MAST3: variants seen among roughly 807,000 people sequenced by gnomAD.
The protein encoded by MAST3 is microtubule associated serine/threonine kinase 3.
In MAST3, 43 loss-of-function variants were observed where a neutral mutation model predicts 127.0. The observed-to-expected ratio is 0.34, with a 90% confidence interval of 0.27 to 0.44. The LOEUF (loss-of-function observed/expected upper bound fraction) is 0.44, where lower values mean the gene tolerates loss of function less well. Among genes scored for constraint, MAST3 ranks in the 20% least tolerant of loss-of-function variants. The pLI is 1.00. For synonymous variants in MAST3, 785 were observed against 809.2 expected (o/e 0.97, Z 0.51); for missense variants, 1,390 against 1,919.1 (o/e 0.72, Z 5.15).
rs147458227 is a variant in MAST3, at chr19:18,135,612, C to T, written c.1871-128C>T. On this transcript the variant is annotated intron_variant, in intron 17 of 27. Transcript: ENST00000687212. ...CTGTCAGTGGGTACCAAGCCTGCCA[C>T]GTTGCAGGGGCAGAGGAGGCCAGTG... The T allele has an allele frequency of 7.7e-4, 530 of 687,494 alleles. 7 individuals are homozygous for T. The East Asian group carries it at 0.015, about 19-fold the overall frequency. The allele number at this position is 687,494 out of a possible 1,614,324, so 42.6% of individuals were successfully genotyped here. A position where few individuals can be genotyped will look rare whatever the true frequency, so the allele number is the denominator to read the frequency against.
rs183520089 is a variant in MAST3 at position 18,112,749 on chromosome 19, G to A, written c.161+2008G>A. Among the ~76,000 whole-genome samples, 1 of 152,244 alleles carries A rather than the reference G, an allele frequency of 6.6e-6. No individual in the cohort carries two copies. Among genetic ancestry groups the A allele is most frequent in the African/African-American group, 2.4e-5 (1 of 41,556 alleles). On this transcript the variant is annotated intron_variant, in intron 3 of 27. Transcript: ENST00000687212. The surrounding 1 kb of genome is among the most constrained non-coding windows in gnomAD (Gnocchi z 4.1). The stretch of plus-strand genomic sequence containing the variant: ...GCTTCCCAAAGTGCTAGGATTATAG[G>A]CGTGAGCCACTGCACCCCGCCTGAG...
Position 18,130,566 on chromosome 19 carries a change from G to T in MAST3, c.1296G>T (p.Leu432Phe). The change falls in exon 14 of 28, where the codon TTG becomes TTT. Residue 432 changes from leucine (L) to phenylalanine (F), a missense_variant. Leu to Phe is a conservative substitution (Grantham distance 22). Transcript: ENST00000687212. ...FAIKKINKQN[L>F]ILRNQIQQVF... ...TCAAGAAGATCAACAAACAGAACTT[G>T]ATCCTGCGTAACCAGATCCAGCAGG... 6.2e-7 allele frequency: 1 copy of T among 1,613,104 alleles called. No homozygotes were observed. Among genetic ancestry groups the T allele is most frequent in the Non-Finnish European group, 8.5e-7 (1 of 1,179,502 alleles).
At chr19:18,111,530 C>CTTTTTTTTTTT (rs576984210) in intron 3 of MAST3, among the ~76,000 whole-genome samples, 12 of 103,256 alleles carry the variant, frequency 1.2e-4, no homozygotes, top group African/African-American at 5.6e-4. Context: ...TTTCCACAGA[C>CTTTTTTTTTTT]TTTTTTTTTT....
intron 15 of MAST3, 139 bp from the exon 16 acceptor site, chr19:18,134,440 G>T (rs1334498117): frequency 1.5e-5 from 18 of 1,215,496 alleles, no homozygotes; most frequent in Non-Finnish European, 2.0e-5. Context: ...TACTTGGGAG[G>T]CTGAGCAGGA....
intron 20 of MAST3, among the ~76,000 whole-genome samples, chr19:18,140,274 A>C (rs2042319669): frequency 1.1e-5 from 1 of 90,638 alleles, no homozygotes; most frequent in Admixed American, 1.3e-4. Context: ...GCTACTCGGG[A>C]GGCTGAGGCA....
chr19:18,132,934 C>A (rs1444983432), intron 15 of MAST3, among the ~76,000 whole-genome samples: 2 of 152,166 alleles, frequency 1.3e-5, no homozygotes, highest in East Asian at 1.9e-4. Flanking sequence ...GAAACCTTGT[C>A]TCTACTAAAA....
intron 1 of MAST3, among the ~76,000 whole-genome samples, chr19:18,102,234 G>A (rs2037696826): frequency 6.7e-6 from 1 of 150,226 alleles, no homozygotes; most frequent in Admixed American, 6.6e-5. Context: ...AGGCTGGAGT[G>A]CAATGGCACG....
chr19:18,141,705 T>C (rs1211225019), intron 20 of MAST3, among the ~76,000 whole-genome samples, 177 bp from the exon 21 acceptor site: 2 of 151,830 alleles, frequency 1.3e-5, no homozygotes, highest in Non-Finnish European at 2.9e-5. Context: ...TTGTTACTGG[T>C]TTTTTTGTTT....
rs1409744659 is a variant in MAST3, at chr19:18,135,850, T to C, written c.1972+9T>C. On this transcript the variant is annotated intron_variant, in intron 18 of 27. Transcript: ENST00000687212. ...GGACCGTCTGGGCACTGGTATGTAG[T>C]GTGGGGGAGAACCCAGGTGGGTGGC... The C allele has an allele frequency of 1.3e-6, 2 of 1,589,510 alleles. No individual in the cohort carries two copies. The highest frequency in any genetic ancestry group is 1.7e-4 in the Middle Eastern group (1 of 5,786).
At chr19:18,136,049 G>T (rs1270097271) in intron 18 of MAST3, among the ~76,000 whole-genome samples, 3 of 152,184 alleles carry the variant, frequency 2.0e-5, no homozygotes, top group African/African-American at 7.2e-5. Context: ...GCTGGGTCTG[G>T]TGCCCATATG....
intron 13 of MAST3, 78 bp downstream of exon 13, chr19:18,129,029 C>T (rs747181388): frequency 2.5e-6 from 3 of 1,212,766 alleles, no homozygotes; most frequent in Non-Finnish European, 3.7e-6. Flanking sequence ...CTCCTGCATC[C>T]CCCTCCTACC....
intron 3 of MAST3, among the ~76,000 whole-genome samples, chr19:18,111,247 G>A (rs1362132573): frequency 1.3e-5 from 2 of 151,838 alleles, no homozygotes; most frequent in Non-Finnish European, 2.9e-5. Flanking sequence ...GAAAACTGAG[G>A]CTCAGAGAGG....
At chr19:18,122,800 G>C (rs761090835) in intron 6 of MAST3, 49 bp downstream of exon 6, 4 of 1,556,500 alleles carry the variant, frequency 2.6e-6, no homozygotes, top group African/African-American at 2.7e-5. Flanking sequence ...GCCGGGTTGT[G>C]GGGGGACACA....
chr19:18,108,899 G>A (rs879677964), intron 2 of MAST3, among the ~76,000 whole-genome samples: 7 of 152,134 alleles, frequency 4.6e-5, no homozygotes, highest in Non-Finnish European at 8.8e-5. Context: ...ACTGGGCCCT[G>A]CTGAAGCCAG....
intron 15 of MAST3, among the ~76,000 whole-genome samples, chr19:18,132,886 T>C (rs1249858679): frequency 2.6e-5 from 4 of 152,204 alleles, no homozygotes; most frequent in Non-Finnish European, 5.9e-5. Context: ...GCGGATCACC[T>C]GAGGTCAGGA....
chr19:18,141,995 C>T lies in MAST3; in HGVS notation c.2319C>T (p.Arg773=). 6.6e-7 allele frequency: 1 copy of T among 1,510,314 alleles called. No individual in the cohort carries two copies. The highest frequency in any genetic ancestry group is 8.9e-7 in the Non-Finnish European group (1 of 1,119,992). 93.6% of individuals were successfully genotyped at this position (1,510,314 alleles called of 1,614,324 possible). ...GWERSEVDYG[R]RLSADIRLRS... ...AGCGCAGCGAAGTGGACTATGGCCG[C>T]CGGCTGAGTGCTGACATCCGGTAAG... The change falls in exon 21 of 28, where the codon CGC becomes CGT. Residue 773 remains arginine (R), a synonymous_variant. Coordinates refer to ENST00000687212, the MANE Select transcript of MAST3 (RefSeq NM_001393504.1).
At position 18,110,374 on chromosome 19, in the gene MAST3, T is replaced by C. The variant is rs2038449061; in HGVS notation, c.72-278T>C. ...CCCGGCGCTGACCCTCGAGTGAGTGTTGGGCAGGGCGGGGGTATGCGGGGT... is the reference window on the plus strand; with the variant it reads ...CCCGGCGCTGACCCTCGAGTGAGTGCTGGGCAGGGCGGGGGTATGCGGGGT... On this transcript the variant is annotated intron_variant, in intron 2 of 27. Transcript: ENST00000687212. This position sits in a 1 kb window ranked among gnomAD's most constrained non-coding sequence, Gnocchi z 4.3. The C allele has an allele frequency of 1.0e-5, 10 of 985,520 alleles. No individual in the cohort carries two copies. The highest frequency in any genetic ancestry group is 1.2e-5 in the Non-Finnish European group (10 of 830,014). The allele number at this position is 985,520 out of a possible 1,614,324, so 61.0% of individuals were successfully genotyped here.
rs781168885 is a variant in MAST3 at position 18,135,860 on chromosome 19, A to T, written c.1972+19A>T. 1 of 1,575,842 alleles carries T rather than the reference A, an allele frequency of 6.3e-7. No homozygotes were observed. The highest frequency in any genetic ancestry group is 2.3e-5 in the East Asian group (1 of 43,398). On this transcript the variant is annotated intron_variant, in intron 18 of 27. Transcript: ENST00000687212. ...GGCACTGGTATGTAGTGTGGGGGAG[A>T]ACCCAGGTGGGTGGCTCCTTCAGGC...
rs1281991633 is a variant in MAST3, at chr19:18,124,002, C to G, written c.697C>G (p.Leu233Val). The part of the protein sequence containing the change: ...FLTAYAPGAR[L>V]ALADGVLGFI... ...GACGGCCTACGCGCCCGGCGCCCGG[C>G]TGGCGCTGGCTGATGGCGTCTTGGG... is the stretch of plus-strand genomic sequence containing the variant. The change falls in exon 9 of 28, where the codon CTG becomes GTG. Residue 233 changes from leucine to valine, a missense_variant. This residue lies in a region of MAST3 where 277 missense variants were observed against 384.8 expected (regional missense o/e 0.72). Coordinates refer to ENST00000687212, the MANE Select transcript of MAST3 (RefSeq NM_001393504.1). 6.3e-7 allele frequency: 1 copy of G among 1,594,554 alleles called. No individual in the cohort carries two copies. Among genetic ancestry groups the G allele is most frequent in the Non-Finnish European group, 8.5e-7 (1 of 1,171,720 alleles).
Sources: gnomAD v4.1 joint callset for allele counts (sites outside exome capture counted in the v4.1 genomes callset) on GRCh38, gnomAD v4.1.1 for gene constraint, gnomAD v4.1.1 regional missense constraint, Gnocchi (gnomAD v3.1) non-coding constraint, MANE v1.5 for transcripts, NCBI Gene and HGNC (gene_info 2026-07-23, HGNC 2026-07-21) for gene names.